TRPM3: variants seen among roughly 807,000 people sequenced by gnomAD.
TRPM3 encodes long transient receptor potential channel 3.
Under a neutral mutation model 181.2 loss-of-function variants are expected in TRPM3, and 77 were observed. That is an observed-to-expected ratio of 0.42 (90% CI 0.35 to 0.51). The LOEUF (loss-of-function observed/expected upper bound fraction) is 0.51. Among genes scored for constraint, TRPM3 ranks in the 20% least tolerant of loss-of-function variants. TRPM3 has a pLI of 0.01. For missense variants in TRPM3, 1,759 were observed against 2,196.7 expected, an observed-to-expected ratio of 0.80 and a Z score of 3.98; for synonymous variants, 745 against 796.4, an observed-to-expected ratio of 0.94 and a Z score of 1.09.
At chr9:71,031,104 G>A (rs1282788392) in intron 1 of TRPM3, among the ~76,000 whole-genome samples, 1 of 152,088 alleles carries the variant, frequency 6.6e-6, no homozygotes, top group African/African-American at 2.4e-5. Flanking sequence ...CTCACTAAAT[G>A]TCTGAAAAAT....
At chr9:71,095,257 A>G (rs1277605672) in intron 1 of TRPM3, among the ~76,000 whole-genome samples, 9 of 152,208 alleles carry the variant, frequency 5.9e-5, no homozygotes, top group African/African-American at 1.9e-4. Flanking sequence ...TGCTTATTAA[A>G]TGAACGCAGA....
chr9:70,659,561 C>T (rs879925196), intron 9 of TRPM3, among the ~76,000 whole-genome samples: 12 of 152,080 alleles, frequency 7.9e-5, no homozygotes, highest in Non-Finnish European at 1.2e-4. Context: ...TATAATAAAG[C>T]AAATCTGTCC....
At chr9:70,929,490 C>T (rs1214956715) in intron 1 of TRPM3, among the ~76,000 whole-genome samples, 1 of 152,132 alleles carries the variant, frequency 6.6e-6, no homozygotes, top group Non-Finnish European at 1.5e-5. Flanking sequence ...GCGTGACCCA[C>T]CGGCCTTTTT....
At chr9:70,646,811 G>A in intron 9 of TRPM3, among the ~76,000 whole-genome samples, 1 of 142,242 alleles carries the variant, frequency 7.0e-6, no homozygotes, top group East Asian at 2.1e-4. Context: ...AAAAAAGAGA[G>A]AAGATCCAAA....
intron 1 of TRPM3, among the ~76,000 whole-genome samples, chr9:71,102,027 T>C (rs150115267): frequency 2.0e-5 from 3 of 152,204 alleles, no homozygotes; most frequent in African/African-American, 7.2e-5. Context: ...AGTTCCAGCA[T>C]GCTTTTTTCT....
chr9:70,684,816 T>C (rs764652749), intron 8 of TRPM3, among the ~76,000 whole-genome samples: 15 of 152,186 alleles, frequency 9.9e-5, no homozygotes, highest in Non-Finnish European at 2.2e-4. Context: ...ATTTTTGCAA[T>C]GATGTTTGTG....
At chr9:70,748,474 T>C (rs1280925255) in intron 8 of TRPM3, among the ~76,000 whole-genome samples, 1 of 152,184 alleles carries the variant, frequency 6.6e-6, no homozygotes, top group Non-Finnish European at 1.5e-5. Flanking sequence ...GATATGTGAT[T>C]GCTAGGATTT....
chr9:71,042,609 T>G (rs2058958661), intron 1 of TRPM3, among the ~76,000 whole-genome samples: 1 of 152,188 alleles, frequency 6.6e-6, no homozygotes, highest in Non-Finnish European at 1.5e-5. Flanking sequence ...TCCAATTTCC[T>G]ATGTCCAAGC....
chr9:70,605,255 CTAAA>C (rs989069685), intron 19 of TRPM3, among the ~76,000 whole-genome samples: 4 of 152,108 alleles, frequency 2.6e-5, no homozygotes, highest in East Asian at 1.9e-4. Flanking sequence ...TGCGCCTCGC[CTAAA>C]TAGAGTCTTA....
chr9:70,534,730 G>T lies in TRPM3; in HGVS notation c.*1223C>A, dbSNP rs1452101786. ...TATAGTTTTGAAACTTCCTTAAAAAGTACTTTGGAACATTTCCATAGAAAA... is the reference window on the plus strand; with the variant it reads ...TATAGTTTTGAAACTTCCTTAAAAATTACTTTGGAACATTTCCATAGAAAA... On this transcript the variant is annotated 3_prime_UTR_variant, in exon 26 of 26. Transcript: ENST00000677713. 6.6e-6 allele frequency: 1 copy of T among 152,112 alleles called. No individual in the cohort carries two copies. The highest frequency in any genetic ancestry group is 1.5e-5 in the Non-Finnish European group (1 of 68,024). 9.4% of individuals were successfully genotyped at this position (152,112 alleles called of 1,614,324 possible).
At chr9:70,567,928 G>T (rs536021717) in intron 22 of TRPM3, among the ~76,000 whole-genome samples, 2 of 151,924 alleles carry the variant, frequency 1.3e-5, no homozygotes, top group Non-Finnish European at 2.9e-5. Context: ...ACAAATATAC[G>T]CATACACACA....
chr9:71,322,164 T>G (rs1459719436), intron 1 of TRPM3, among the ~76,000 whole-genome samples: 1 of 152,094 alleles, frequency 6.6e-6, no homozygotes, highest in East Asian at 1.9e-4. Context: ...ACAACTTGAA[T>G]TTTGAGGGAT....
chr9:71,087,686 A>G (rs1248995257), intron 1 of TRPM3, among the ~76,000 whole-genome samples: 3 of 152,048 alleles, frequency 2.0e-5, no homozygotes, highest in African/African-American at 7.2e-5. Flanking sequence ...AGAGAAAGGA[A>G]GAAGCAGTAC....
intron 1 of TRPM3, among the ~76,000 whole-genome samples, chr9:71,381,634 T>G (rs1243748230): frequency 6.6e-6 from 1 of 152,132 alleles, no homozygotes; most frequent in Non-Finnish European, 1.5e-5. Context: ...ACACCACAAG[T>G]GTTCACAACA....
Position 71,226,630 on chromosome 9 carries a change from T to TTG in TRPM3, c.183+220021_183+220022dup, listed in dbSNP as rs549314043. ...GGAGTCAGTTCAGCAGAGGATATGA[T>TTG]TGTGTGTGTGTGTGTATATACACAT... On this transcript the variant is annotated intron_variant, in intron 1 of 24. Transcript: ENST00000357533. Among the ~76,000 whole-genome samples, 443 of 151,402 alleles carry TTG rather than the reference T, an allele frequency of 2.9e-3. 1 individual carries two copies. Among genetic ancestry groups the TTG allele is most frequent in the African/African-American group, 8.3e-3 (343 of 41,322 alleles).
rs1221700133 is a variant in TRPM3 at position 71,420,897 on chromosome 9, G to A, written c.183+25756C>T. Among the ~76,000 whole-genome samples, 7 of 73,042 alleles carry A rather than the reference G, an allele frequency of 9.6e-5. No individual in the cohort carries two copies. The Admixed American group carries it at 9.7e-4, about 10-fold the overall frequency. 47.9% of individuals were successfully genotyped at this position (73,042 alleles called of 152,430 possible). Reference sequence around the variant, plus strand: ...AGAAAAGGAGGGAGAGAAAAAGGGAGAGAAAAAGGGAGAGAAAAAGGGAGA... The same window carrying A: ...AGAAAAGGAGGGAGAGAAAAAGGGAAAGAAAAAGGGAGAGAAAAAGGGAGA... On this transcript the variant is annotated intron_variant, in intron 1 of 24. Transcript: ENST00000357533.
intron 1 of TRPM3, among the ~76,000 whole-genome samples, chr9:70,983,228 C>T (rs1358121244): frequency 1.3e-5 from 2 of 152,106 alleles, no homozygotes; most frequent in African/African-American, 4.8e-5. Flanking sequence ...CTATCACCCC[C>T]ATCATACTTC....
At chr9:71,039,083 A>G (rs2058531926) in intron 1 of TRPM3, among the ~76,000 whole-genome samples, 1 of 152,234 alleles carries the variant, frequency 6.6e-6, no homozygotes, top group Admixed American at 6.5e-5. Flanking sequence ...ACCATGACCC[A>G]TGACCTTGCA....
chr9:70,541,994 G>A (rs1392304027), intron 25 of TRPM3, among the ~76,000 whole-genome samples: 2 of 152,154 alleles, frequency 1.3e-5, no homozygotes, highest in African/African-American at 4.8e-5. Flanking sequence ...GCTGGTACAT[G>A]TCTGTGGTCC....
Sources: allele counts gnomAD v4.1 joint callset (sites outside exome capture counted in the v4.1 genomes callset), GRCh38; gene constraint gnomAD v4.1.1; transcripts MANE v1.5; gene names NCBI Gene and HGNC (gene_info 2026-07-23, HGNC 2026-07-21).